SPTBN1: variants seen among roughly 807,000 people sequenced by gnomAD.
SPTBN1 encodes spectrin beta chain, non-erythrocytic 1.
Under a neutral mutation model 266.4 loss-of-function variants are expected in SPTBN1, and 32 were observed. The ratio of observed to expected loss-of-function variants is 0.12; its 90% CI spans 0.09 to 0.16. The LOEUF (loss-of-function observed/expected upper bound fraction) is 0.16, where lower values mean the gene tolerates loss of function less well. Ranked by LOEUF, SPTBN1 falls within the 10% of genes least tolerant of loss-of-function variation. The probability of loss-of-function intolerance (pLI) is 1.00; values close to 1 mark genes in which losing one functional copy is unlikely to be tolerated. For missense variants in SPTBN1, 2,296 were observed against 3,067.1 expected (o/e 0.75, Z 5.94); for synonymous variants, 1,336 against 1,162.2 (o/e 1.15, Z -3.04).
intron 2 of SPTBN1, among the ~76,000 whole-genome samples, chr2:54,589,342 G>A (rs1360982096): frequency 6.6e-6 from 1 of 152,170 alleles, no homozygotes; most frequent in African/African-American, 2.4e-5. Flanking sequence ...GTTATTGTGG[G>A]TCTCCTCTCA....
intron 2 of SPTBN1, among the ~76,000 whole-genome samples, chr2:54,549,764 T>C (rs937632437): frequency 2.6e-5 from 4 of 152,096 alleles, no homozygotes; most frequent in Non-Finnish European, 5.9e-5. Flanking sequence ...GGCTTTGAGC[T>C]GGGCTTGAAG....
At chr2:54,465,283 G>C (rs923528654) in intron 1 of SPTBN1, among the ~76,000 whole-genome samples, 3 of 152,068 alleles carry the variant, frequency 2.0e-5, no homozygotes, top group African/African-American at 7.2e-5. Flanking sequence ...GGGTTCTTTG[G>C]TATTTCCAGT....
chr2:54,532,336 A>G (rs1014032429), intron 2 of SPTBN1, among the ~76,000 whole-genome samples: 1 of 152,250 alleles, frequency 6.6e-6, no homozygotes, highest in African/African-American at 2.4e-5. Context: ...CATATACTCC[A>G]AAATTTTATG....
At position 54,629,147 on chromosome 2, in the gene SPTBN1, C is replaced by T. The variant is rs764838286; in HGVS notation, c.2013C>T (p.Thr671=). 5.0e-6 allele frequency: 8 copies of T among 1,613,568 alleles called. No homozygotes were observed. Among genetic ancestry groups the T allele is most frequent in the South Asian group, 1.1e-5 (1 of 91,084 alleles). The change falls in exon 14 of 36, where the codon ACC becomes ACT. Residue 671 remains threonine, a synonymous_variant. Transcript: ENST00000356805. ...LSSDDYGKDL[T]SVMRLLSKHR... Reference sequence around the variant, plus strand: ...CGGACGATTACGGGAAAGACCTGACCAGCGTCATGCGCCTGCTCAGCAAGC... The same window carrying T: ...CGGACGATTACGGGAAAGACCTGACTAGCGTCATGCGCCTGCTCAGCAAGC...
At chr2:54,542,241 T>C (rs752774646) in intron 2 of SPTBN1, among the ~76,000 whole-genome samples, 1 of 152,200 alleles carries the variant, frequency 6.6e-6, no homozygotes, top group Non-Finnish European at 1.5e-5. Context: ...AGAGTTGTTG[T>C]CAGTAGATGA....
At chr2:54,539,407 C>T (rs2104389833) in intron 2 of SPTBN1, among the ~76,000 whole-genome samples, 1 of 152,290 alleles carries the variant, frequency 6.6e-6, no homozygotes, top group South Asian at 2.1e-4. Flanking sequence ...CATTACAGTG[C>T]ATGCATTGCA....
rs1479004011 is a variant in SPTBN1 at position 54,618,138 on chromosome 2, T to C, written c.708T>C (p.Asn236=). The change falls in exon 7 of 36, where the codon AAT becomes AAC. Residue 236 remains asparagine, a synonymous_variant. Transcript: ENST00000356805. ...KKSNAHYNLQ[N]AFNLAEQHLG... is the part of the protein sequence containing the mutation. ...CTAACGCACACTACAACCTGCAGAA[T>C]GCATTTAATCTGGCAGAACAGCACC... 3.7e-6 allele frequency: 6 copies of C among 1,614,106 alleles called. No individual in the cohort carries two copies. Among genetic ancestry groups the C allele is most frequent in the Non-Finnish European group, 5.1e-6 (6 of 1,180,032 alleles).
At chr2:54,552,132 C>T (rs1202076521) in intron 2 of SPTBN1, among the ~76,000 whole-genome samples, 1 of 152,136 alleles carries the variant, frequency 6.6e-6, no homozygotes, top group East Asian at 1.9e-4. Context: ...CCCTTGTTCC[C>T]AGCCTAAGTT....
At chr2:54,605,747 G>A (rs189935409) in intron 3 of SPTBN1, among the ~76,000 whole-genome samples, 2 of 152,328 alleles carry the variant, frequency 1.3e-5, no homozygotes, top group East Asian at 3.9e-4. Flanking sequence ...TGGTGTACTT[G>A]AGTTTTAGTC....
chr2:54,459,611 T>TC (rs1693253291), intron 1 of SPTBN1, among the ~76,000 whole-genome samples: 1 of 152,178 alleles, frequency 6.6e-6, no homozygotes, highest in South Asian at 2.1e-4. Flanking sequence ...TAATTTTTTT[T>TC]ACGTGCAATG....
chr2:54,503,027 A>C, intron 1 of SPTBN1, among the ~76,000 whole-genome samples: 1 of 152,190 alleles, frequency 6.6e-6, no homozygotes, highest in East Asian at 1.9e-4. Flanking sequence ...GGCTTCCCTG[A>C]CATAGTAATC....
intron 1 of SPTBN1, among the ~76,000 whole-genome samples, chr2:54,495,267 G>A (rs1218983224): frequency 6.6e-6 from 1 of 152,124 alleles, no homozygotes; most frequent in Admixed American, 6.6e-5. Context: ...TGGTAAGCAG[G>A]GGACAGACAA....
rs572382606 is a variant in SPTBN1, at chr2:54,556,721, G to T, written c.148+30155G>T. 7.2e-5 allele frequency among the ~76,000 whole-genome samples: 11 copies of T among 152,004 alleles called. No individual in the cohort carries two copies. The South Asian group carries it at 2.1e-3, about 29-fold the overall frequency. On this transcript the variant is annotated intron_variant, in intron 2 of 35. Coordinates refer to ENST00000356805, the MANE Select transcript of SPTBN1 (RefSeq NM_003128.3). ...TGTGGGCGGGGGGTGATGAAAGGAGGGGTGCATTTTGAAGAATATACTCTT... is the reference window on the plus strand; with the variant it reads ...TGTGGGCGGGGGGTGATGAAAGGAGTGGTGCATTTTGAAGAATATACTCTT...
Position 54,653,291 on chromosome 2 carries a change from T to C in SPTBN1, c.5578-318T>C. 1 of 261,954 alleles carries C rather than the reference T, an allele frequency of 3.8e-6. No homozygotes were observed. The highest frequency in any genetic ancestry group is 7.2e-6 in the Non-Finnish European group (1 of 139,458). 16.2% of individuals were successfully genotyped at this position (261,954 alleles called of 1,614,324 possible). ...TTAGGTATTTATTTTTTGGACTGTA[T>C]CTGAATATGTCCCACTCAGATATCC... On this transcript the variant is annotated intron_variant, in intron 26 of 35. Transcript: ENST00000356805. The surrounding 1 kb of genome is among the most constrained non-coding windows in gnomAD (Gnocchi z 5.1).
chr2:54,622,111 C>G (rs888318400), intron 8 of SPTBN1, among the ~76,000 whole-genome samples, 189 bp from the exon 9 acceptor site: 43 of 152,192 alleles, frequency 2.8e-4, no homozygotes, highest in African/African-American at 1.0e-3. Context: ...TAATCACAGT[C>G]TGGGCCCCTC....
chr2:54,493,677 C>G (rs765429023), intron 1 of SPTBN1, among the ~76,000 whole-genome samples: 1 of 152,250 alleles, frequency 6.6e-6, no homozygotes, highest in Non-Finnish European at 1.5e-5. Flanking sequence ...GTTGGGATTA[C>G]AGGCATGAGC....
rs1302015876 is a variant in SPTBN1 at position 54,646,347 on chromosome 2, G to A, written c.4738G>A (p.Glu1580Lys). Reference sequence around the variant, plus strand: ...GCAGCTGTGGGGTCTCCTCATTGAGGAGACAGAGAAACGCCACAGGCGGCT... The same window carrying A: ...GCAGCTGTGGGGTCTCCTCATTGAGAAGACAGAGAAACGCCACAGGCGGCT... ...LKQLWGLLIE[E>K]TEKRHRRLEE... The change falls in exon 23 of 36, where the codon GAG becomes AAG. Residue 1580 changes from glutamate to lysine, a missense_variant. Glu to Lys is a moderately conservative substitution (Grantham distance 56, BLOSUM62 1). Transcript: ENST00000356805. This position sits in a 1 kb window ranked among gnomAD's most constrained non-coding sequence, Gnocchi z 4.4. 1 of 1,613,958 alleles carries A rather than the reference G, an allele frequency of 6.2e-7. No homozygotes were observed. Among genetic ancestry groups the A allele is most frequent in the Non-Finnish European group, 8.5e-7 (1 of 1,179,968 alleles).
intron 1 of SPTBN1, among the ~76,000 whole-genome samples, chr2:54,505,995 G>A (rs1468665494): frequency 2.0e-5 from 3 of 152,036 alleles, no homozygotes; most frequent in African/African-American, 7.3e-5. Flanking sequence ...GAGGTGACGG[G>A]TGCCTGTAGT....
chr2:54,611,487 TTTTG>T (rs1235038930), intron 3 of SPTBN1, among the ~76,000 whole-genome samples: 11 of 152,304 alleles, frequency 7.2e-5, no homozygotes, highest in South Asian at 2.1e-4. Flanking sequence ...TATATATATT[TTTTG>T]TTTGTTTGTT....
Sources: gnomAD v4.1 joint callset for allele counts (sites outside exome capture counted in the v4.1 genomes callset) on GRCh38, gnomAD v4.1.1 for gene constraint, Gnocchi (gnomAD v3.1) non-coding constraint, MANE v1.5 for transcripts, NCBI Gene and HGNC (gene_info 2026-07-23, HGNC 2026-07-21) for gene names.